PHF21B: variants seen among roughly 807,000 people sequenced by gnomAD.
The protein encoded by PHF21B is PHD finger protein 21B.
PHF21B carries 22 observed loss-of-function variants against 62.2 expected under a neutral mutation model. That is an observed-to-expected ratio of 0.35 (90% CI 0.25 to 0.51). The LOEUF is 0.51. PHF21B is among the 20% of genes least tolerant of loss of function. PHF21B has a pLI of 0.97. For missense variants in PHF21B, 701 were observed against 707.9 expected (o/e 0.99, Z 0.11); for synonymous variants, 341 against 314.7 (o/e 1.08, Z -0.88).
intron 2 of PHF21B, among the ~76,000 whole-genome samples, chr22:44,924,489 T>G (rs2071595125): frequency 6.6e-6 from 1 of 152,170 alleles, no homozygotes; most frequent in South Asian, 2.1e-4. Flanking sequence ...CGGGAGGTGA[T>G]CCGGTCATGA....
chr22:45,008,354 C>T (rs2073364186), intron 2 of PHF21B, 191 bp downstream of exon 2: 2 of 494,628 alleles, frequency 4.0e-6, no homozygotes, highest in East Asian at 7.2e-5. Context: ...GCCCGGCTCT[C>T]CCTGCCGCCT....
chr22:44,935,986 G>T (rs546461680), intron 2 of PHF21B, among the ~76,000 whole-genome samples: 1 of 152,216 alleles, frequency 6.6e-6, no homozygotes, highest in African/African-American at 2.4e-5. Flanking sequence ...TGTTCTCTCT[G>T]CTGGGGTATT....
intron 2 of PHF21B, among the ~76,000 whole-genome samples, chr22:44,927,121 C>T (rs184705263): frequency 1.3e-5 from 2 of 151,896 alleles, no homozygotes; most frequent in East Asian, 1.9e-4. Flanking sequence ...ATGGAGGCGG[C>T]GGAGAGGCAG....
intron 10 of PHF21B, among the ~76,000 whole-genome samples, chr22:44,886,459 G>A (rs1256219138): frequency 2.7e-5 from 4 of 150,458 alleles, no homozygotes; most frequent in Non-Finnish European, 5.9e-5. Flanking sequence ...GGCCAAGGTG[G>A]GAGGACTGCT....
intron 2 of PHF21B, among the ~76,000 whole-genome samples, chr22:44,979,940 G>A (rs1482737435): frequency 6.6e-6 from 1 of 151,538 alleles, no homozygotes; most frequent in Admixed American, 6.6e-5. Context: ...ATCATGGCGG[G>A]TGCCTGTAGT....
chr22:44,901,008 A>G (rs1403886518), intron 5 of PHF21B, among the ~76,000 whole-genome samples: 2 of 152,246 alleles, frequency 1.3e-5, no homozygotes, highest in Non-Finnish European at 2.9e-5. Context: ...GCATCACCAT[A>G]CCATGAAAAG....
At chr22:44,997,536 C>T (rs995629039) in intron 2 of PHF21B, among the ~76,000 whole-genome samples, 3 of 152,124 alleles carry the variant, frequency 2.0e-5, no homozygotes, top group Non-Finnish European at 4.4e-5. Flanking sequence ...ACCACTGAGA[C>T]GCATTAATCA....
chr22:44,884,897 TCAC>T (rs2070827878), intron 12 of PHF21B, among the ~76,000 whole-genome samples: 1 of 152,118 alleles, frequency 6.6e-6, no homozygotes, highest in Admixed American at 6.5e-5. Context: ...ATCACCATCA[TCAC>T]CACCACCACA....
chr22:44,946,221 G>C (rs1186625051), intron 2 of PHF21B, among the ~76,000 whole-genome samples: 1 of 152,096 alleles, frequency 6.6e-6, no homozygotes, highest in African/African-American at 2.4e-5. Context: ...ACGTACTTCT[G>C]GGGCTCGGGG....
intron 5 of PHF21B, among the ~76,000 whole-genome samples, chr22:44,896,896 T>TTTTTTTTTTGG (rs2071070593): frequency 1.4e-5 from 2 of 147,192 alleles, no homozygotes; most frequent in Non-Finnish European, 1.5e-5. Flanking sequence ...TTTTTTTTTT[T>TTTTTTTTTTGG]GAGACAGGTT....
chr22:44,893,591 G>A, intron 6 of PHF21B, 58 bp from the exon 7 acceptor site: 1 of 1,512,896 alleles, frequency 6.6e-7, no homozygotes, highest in South Asian at 1.2e-5. Context: ...AACCCCAAAT[G>A]CTTCCTTGCC....
intron 2 of PHF21B, among the ~76,000 whole-genome samples, chr22:44,929,181 T>C (rs1182930497): frequency 6.6e-6 from 1 of 152,206 alleles, no homozygotes; most frequent in African/African-American, 2.4e-5. Context: ...CTAATAAATA[T>C]TAATATAACA....
intron 2 of PHF21B, chr22:44,969,145 C>G (rs1039551683): frequency 4.6e-5 from 7 of 152,276 alleles, no homozygotes; most frequent in Non-Finnish European, 1.0e-4. Flanking sequence ...GGACAAAGGG[C>G]CTCCGTGTCC....
chr22:44,918,563 C>T (rs2071480451), intron 3 of PHF21B, among the ~76,000 whole-genome samples: 1 of 152,242 alleles, frequency 6.6e-6, no homozygotes, highest in African/African-American at 2.4e-5. Context: ...TTTCTCAGAT[C>T]TGCAGTCACC....
chr22:44,946,542 T>C (rs2072076198), intron 2 of PHF21B, among the ~76,000 whole-genome samples: 1 of 151,752 alleles, frequency 6.6e-6, no homozygotes, highest in Admixed American at 6.6e-5. Context: ...GGTGGACGGA[T>C]GGAAGGGTAG....
At chr22:44,903,095 C>T (rs996594576) in intron 5 of PHF21B, among the ~76,000 whole-genome samples, 1 of 152,232 alleles carries the variant, frequency 6.6e-6, no homozygotes, top group Non-Finnish European at 1.5e-5. Context: ...GGTGCAATCC[C>T]TCCAGGAGAC....
intron 5 of PHF21B, among the ~76,000 whole-genome samples, chr22:44,906,195 G>A (rs1219342786): frequency 6.6e-6 from 1 of 152,202 alleles, no homozygotes; most frequent in Non-Finnish European, 1.5e-5. Flanking sequence ...ACTGTATCTG[G>A]GGTTGCTGTG....
intron 2 of PHF21B, among the ~76,000 whole-genome samples, chr22:44,985,603 G>GAA (rs907896921): frequency 1.5e-5 from 2 of 130,354 alleles, no homozygotes; most frequent in Non-Finnish European, 3.3e-5. Context: ...TCTCTCAAAA[G>GAA]AAAAAAAAAA....
intron 2 of PHF21B, among the ~76,000 whole-genome samples, chr22:44,963,561 G>A (rs541281166): frequency 6.6e-6 from 1 of 152,222 alleles, no homozygotes; most frequent in Non-Finnish European, 1.5e-5. Context: ...TGGGGCTGAA[G>A]GACGAAAGAA....
Sources: gnomAD v4.1 joint callset for allele counts (sites outside exome capture counted in the v4.1 genomes callset) on GRCh38, gnomAD v4.1.1 for gene constraint, MANE v1.5 for transcripts, NCBI Gene and HGNC (gene_info 2026-07-23, HGNC 2026-07-21) for gene names.